Variants in RASGRP3 observed in about 807,000 individuals in gnomAD.
RASGRP3 encodes RAS guanyl releasing protein 3, also known as ras guanyl-releasing protein 3.
In RASGRP3, 54 loss-of-function variants were observed where a neutral mutation model predicts 82.7. The ratio of observed to expected loss-of-function variants is 0.65; its 90% confidence interval spans 0.52 to 0.82. The LOEUF is 0.82. RASGRP3 is among the 40% of genes least tolerant of loss of function. RASGRP3 has a pLI of 0.00. For missense variants in RASGRP3, 861 were observed against 828.9 expected, an observed-to-expected ratio of 1.04 and a Z score of -0.48; for synonymous variants, 309 against 300.5, an observed-to-expected ratio of 1.03 and a Z score of -0.29.
At chr2:33,520,717 T>G in intron 6 of RASGRP3, 33 bp downstream of exon 6, 2 of 1,611,712 alleles carry the variant, frequency 1.2e-6, no homozygotes, top group South Asian at 2.2e-5. Context: ...TCACACCCAA[T>G]AAGTCCACCA....
At chr2:33,511,125 G>T (rs909565364) in intron 1 of RASGRP3, among the ~76,000 whole-genome samples, 1 of 152,102 alleles carries the variant, frequency 6.6e-6, no homozygotes, top group African/African-American at 2.4e-5. Context: ...GGAGAAATTT[G>T]GCTTATTGTG....
At chr2:33,499,110 C>T (rs1272462548) in intron 1 of RASGRP3, among the ~76,000 whole-genome samples, 3 of 152,136 alleles carry the variant, frequency 2.0e-5, no homozygotes, top group Non-Finnish European at 4.4e-5. Flanking sequence ...AGGTTAGACT[C>T]ATCCCCAACC....
intron 11 of RASGRP3, among the ~76,000 whole-genome samples, chr2:33,537,325 C>CCG (rs1357787327): frequency 1.4e-5 from 1 of 72,110 alleles, no homozygotes; most frequent in Non-Finnish European, 2.6e-5. Context: ...CACACACCGC[C>CCG]CCCCCCACAC....
chr2:33,442,081 A>G (rs1665254094), intron 1 of RASGRP3, among the ~76,000 whole-genome samples: 1 of 152,292 alleles, frequency 6.6e-6, no homozygotes, highest in Middle Eastern at 3.4e-3. Context: ...GTGTGACCCC[A>G]TTTGCTTAAA....
intron 1 of RASGRP3, among the ~76,000 whole-genome samples, chr2:33,509,786 C>G (rs918494237): frequency 6.6e-6 from 1 of 152,198 alleles, no homozygotes; most frequent in Non-Finnish European, 1.5e-5. Flanking sequence ...ACACCAACCC[C>G]TTCTACCAGC....
chr2:33,490,977 A>G (rs936043347), intron 1 of RASGRP3, among the ~76,000 whole-genome samples: 12 of 152,196 alleles, frequency 7.9e-5, no homozygotes, highest in Non-Finnish European at 1.8e-4. Flanking sequence ...ACAAGGTAAG[A>G]GTTAGCTGCT....
In RASGRP3 at chr2:33,524,517, C is replaced by A; in HGVS notation, c.776C>A (p.Thr259Asn). 1 of 1,601,606 alleles carries A rather than the reference C, an allele frequency of 6.2e-7. No homozygotes were observed. Among genetic ancestry groups the A allele is most frequent in the Non-Finnish European group, 8.5e-7 (1 of 1,173,328 alleles). The stretch of plus-strand genomic sequence containing the variant: ...AGTTCCATTTCACGCCTCAAAGAGA[C>A]CCATTCTCATCTTTCTTCAGAAGTT... ...SHSSISRLKE[T>N]HSHLSSEVTK... Residue 259 changes from threonine to asparagine, a missense_variant, in exon 9 of 18, where the codon ACC (threonine) becomes AAC (asparagine). Transcript: ENST00000403687.
At chr2:33,516,783 G>A in intron 4 of RASGRP3, 139 bp downstream of exon 4, 3 of 588,068 alleles carry the variant, frequency 5.1e-6, no homozygotes, top group South Asian at 2.5e-5. Flanking sequence ...ATATATAGAT[G>A]TCTAGACAAA....
At chr2:33,474,209 G>GA (rs1046815962), upstream of RASGRP3, among the ~76,000 whole-genome samples, 13 of 152,158 alleles carry the variant, frequency 8.5e-5, no homozygotes, top group Non-Finnish European at 1.6e-4. Context: ...ATCTCATGTT[G>GA]AGATGTAATT....
intron 2 of RASGRP3, among the ~76,000 whole-genome samples, chr2:33,459,481 G>A (rs1666235949): frequency 6.6e-6 from 1 of 151,982 alleles, no homozygotes; most frequent in African/African-American, 2.4e-5. Flanking sequence ...TTCATTTTTG[G>A]AAAAATAACT....
In RASGRP3 at chr2:33,524,629, C is replaced by A. The variant is rs141191794; in HGVS notation, c.807+81C>A. 33 of 1,070,174 alleles carry A rather than the reference C, an allele frequency of 3.1e-5. No homozygotes were observed. The Admixed American group carries it at 8.6e-4, about 28-fold the overall frequency. 66.3% of individuals were successfully genotyped at this position (1,070,174 alleles called of 1,614,324 possible). A position where few individuals can be genotyped will look rare whatever the true frequency, so the allele number is the denominator to read the frequency against. ...GGTTTAGTATACGCCTAACAAATGT[C>A]ACTCAGAGTGGGAAAGTTTTCCTCT... On this transcript the variant is annotated intron_variant, in intron 9 of 17. Coordinates refer to ENST00000403687, the MANE Select transcript of RASGRP3 (RefSeq NM_001139488.2).
intron 10 of RASGRP3, 121 bp downstream of exon 10, chr2:33,527,533 A>C (rs1672700906): frequency 9.7e-7 from 1 of 1,028,470 alleles, no homozygotes; most frequent in Non-Finnish European, 1.4e-6. Context: ...GAGTCAATAG[A>C]TGAGAGGAAA....
Position 33,549,613 on chromosome 2 carries a change from A to G in RASGRP3, c.1404A>G (p.Leu468=). 1 of 1,612,748 alleles carries G rather than the reference A, an allele frequency of 6.2e-7. No homozygotes were observed. Among genetic ancestry groups the G allele is most frequent in the Non-Finnish European group, 8.5e-7 (1 of 1,179,148 alleles). Residue 468 remains leucine (L), a synonymous_variant, in exon 14 of 18, where the codon CTA becomes CTG. Transcript: ENST00000403687. Reference sequence around the variant, plus strand: ...TTGATTCTCTTAACAGGGATGGCCTAATTAGTAAAGATGAAATGATGGCTT... The same window carrying G: ...TTGATTCTCTTAACAGGGATGGCCTGATTAGTAAAGATGAAATGATGGCTT... ...FCVLDKDQDG[L]ISKDEMMAYF... is the part of the protein sequence containing the mutation.
intron 2 of RASGRP3, among the ~76,000 whole-genome samples, chr2:33,462,377 T>G (rs79100899): frequency 0.042 from 6,058 of 143,206 alleles, 424 homozygotes; most frequent in African/African-American, 0.14. Context: ...TTTTTTTTTT[T>G]GTTTTTCTTT....
intron 2 of RASGRP3, among the ~76,000 whole-genome samples, chr2:33,469,921 T>C (rs937289940): frequency 6.6e-6 from 1 of 152,218 alleles, no homozygotes. Context: ...ATTGAACAAA[T>C]ACAATAAACA....
intron 1 of RASGRP3, among the ~76,000 whole-genome samples, chr2:33,446,492 T>A (rs1361573017): frequency 2.1e-3 from 1 of 468 alleles, no homozygotes; most frequent in African/African-American, 3.4e-3. Context: ...ATTTTTTGGA[T>A]TTTTTTTTTT....
chr2:33,470,317 CT>C (rs1467586212), intron 2 of RASGRP3, among the ~76,000 whole-genome samples: 1 of 151,568 alleles, frequency 6.6e-6, no homozygotes, highest in Non-Finnish European at 1.5e-5. Flanking sequence ...AGGTTATTCA[CT>C]TTTTTTATTC....
intron 14 of RASGRP3, among the ~76,000 whole-genome samples, chr2:33,552,506 C>A (rs1425378063): frequency 6.6e-6 from 1 of 151,822 alleles, no homozygotes; most frequent in South Asian, 2.1e-4. Context: ...TTTATTGGTA[C>A]GATTTGATTT....
chr2:33,459,326 G>A (rs1467798255), intron 2 of RASGRP3, among the ~76,000 whole-genome samples: 1 of 152,122 alleles, frequency 6.6e-6, no homozygotes, highest in Non-Finnish European at 1.5e-5. Context: ...AGTAGAGACA[G>A]GGTTTCACTG....
Sources: gnomAD v4.1 joint callset for allele counts (sites outside exome capture counted in the v4.1 genomes callset) on GRCh38, gnomAD v4.1.1 for gene constraint, MANE v1.5 for transcripts, NCBI Gene and HGNC (gene_info 2026-07-23, HGNC 2026-07-21) for gene names.